The following ZNF609 variants were observed in gnomAD, a reference collection of about 807,000 sequenced individuals.
ZNF609 encodes zinc finger protein 609.
Under a neutral mutation model 109.5 loss-of-function variants are expected in ZNF609, and 11 were observed. The observed-to-expected ratio is 0.10, with a 90% CI of 0.06 to 0.17. ZNF609 has a LOEUF of 0.17. ZNF609 is among the 10% of genes least tolerant of loss of function. The pLI, the probability that ZNF609 is intolerant of heterozygous loss-of-function variation, is 1.00. For synonymous variants in ZNF609, 646 were observed against 662.0 expected, an observed-to-expected ratio of 0.98 and a Z score of 0.37; for missense variants, 1,559 against 1,772.4, an observed-to-expected ratio of 0.88 and a Z score of 2.16.
At position 64,622,719 on chromosome 15, in the gene ZNF609, G is replaced by A. The variant is rs372081133; in HGVS notation, c.748-108G>A. 3.6e-5 allele frequency: 34 copies of A among 936,048 alleles called. 1 individual carries two copies. The highest frequency in any genetic ancestry group is 2.2e-4 in the South Asian group (15 of 66,712). 58.0% of individuals were successfully genotyped at this position (936,048 alleles called of 1,614,324 possible). On this transcript the variant is annotated intron_variant, in intron 2 of 9. Coordinates refer to ENST00000326648, the MANE Select transcript of ZNF609 (RefSeq NM_015042.2). ...AAGAACCAAAGTCTTATTTATAGCC[G>A]TCTGCACTCTGGCAGGAATAGATAT...
intron 1 of ZNF609, among the ~76,000 whole-genome samples, chr15:64,469,078 A>G (rs1168362436): frequency 7.0e-6 from 1 of 142,494 alleles, no homozygotes; most frequent in Non-Finnish European, 1.5e-5. Flanking sequence ...AGCCTGGCCA[A>G]CATGGTGAAA....
intron 1 of ZNF609, among the ~76,000 whole-genome samples, chr15:64,475,613 G>A (rs113098552): frequency 2.6e-5 from 4 of 151,786 alleles, no homozygotes; most frequent in Admixed American, 6.6e-5. Flanking sequence ...GGCTGGTCTC[G>A]AACTCCTGAC....
At chr15:64,595,561 T>A (rs968686545) in intron 2 of ZNF609, among the ~76,000 whole-genome samples, 1 of 152,220 alleles carries the variant, frequency 6.6e-6, no homozygotes, top group Admixed American at 6.6e-5. Flanking sequence ...TAAATTCTCT[T>A]TTTAAGTCAG....
rs1269437354 is a variant in ZNF609 at position 64,681,326 on chromosome 15, A to C, written c.4180A>C (p.Ile1394Leu). Residue 1394 changes from isoleucine to leucine, a missense_variant, in exon 9 of 10, where the codon ATT becomes CTT. Physicochemically the swap from Ile to Leu is conservative, Grantham distance 5. Around this residue, in one of 4 missense-constraint regions of ZNF609, gnomAD observed 1,204 missense variants for 1,314.1 expected, o/e 0.92. Transcript: ENST00000326648. ...TTATTCAGGGCTTTCTTCTACAGCC[A>C]TTGTTGCCAGCCAACAAGGCTCAAC... ...PYAAGLSSTA[I>L]VASQQGSTPS... The C allele has an allele frequency of 6.2e-7, 1 of 1,614,090 alleles. No homozygotes were observed. Among genetic ancestry groups the C allele is most frequent in the Non-Finnish European group, 8.5e-7 (1 of 1,179,958 alleles).
At chr15:64,479,571 A>C (rs1464817887) in intron 1 of ZNF609, among the ~76,000 whole-genome samples, 2 of 151,736 alleles carry the variant, frequency 1.3e-5, no homozygotes, top group African/African-American at 2.4e-5. Context: ...GATTACAGGC[A>C]TGAGCCACCG....
chr15:64,570,864 A>G (rs1894849773), intron 2 of ZNF609, among the ~76,000 whole-genome samples: 1 of 152,020 alleles, frequency 6.6e-6, no homozygotes, highest in African/African-American at 2.4e-5. Context: ...CGTCTCTACT[A>G]AAAATACAAA....
chr15:64,537,767 T>G (rs1409510262), intron 2 of ZNF609, among the ~76,000 whole-genome samples: 2 of 152,168 alleles, frequency 1.3e-5, no homozygotes, highest in Admixed American at 1.3e-4. Flanking sequence ...TATGATTGTT[T>G]TGCCCCCTTA....
intron 2 of ZNF609, among the ~76,000 whole-genome samples, chr15:64,609,305 C>T (rs1895677262): frequency 6.6e-6 from 1 of 151,676 alleles, no homozygotes; most frequent in Admixed American, 6.6e-5. Context: ...CATGCCTCAG[C>T]CTCTCGAATA....
At chr15:64,609,066 TTC>T (rs1353782917) in intron 2 of ZNF609, among the ~76,000 whole-genome samples, 65 of 23,018 alleles carry the variant, frequency 2.8e-3, no homozygotes, top group Admixed American at 0.023. Flanking sequence ...GTTTTAATTT[TTC>T]TTTCTTTCTT....
intron 3 of ZNF609, among the ~76,000 whole-genome samples, chr15:64,666,878 A>G (rs2141008781): frequency 6.6e-6 from 1 of 151,838 alleles, no homozygotes; most frequent in African/African-American, 2.4e-5. Context: ...CTGTAATCCC[A>G]GCACTTTGGG....
chr15:64,516,385 G>C (rs1201273851), intron 2 of ZNF609, among the ~76,000 whole-genome samples: 2 of 151,826 alleles, frequency 1.3e-5, no homozygotes, highest in African/African-American at 2.4e-5. Flanking sequence ...TTTTTGCTTT[G>C]TTTTGAGACA....
intron 2 of ZNF609, among the ~76,000 whole-genome samples, chr15:64,515,352 CA>C (rs1434395024): frequency 6.6e-6 from 1 of 152,052 alleles, no homozygotes; most frequent in Non-Finnish European, 1.5e-5. Flanking sequence ...GAGGACTGGC[CA>C]AACAAGTTTT....
chr15:64,543,745 C>G (rs1191555461), intron 2 of ZNF609, among the ~76,000 whole-genome samples: 1 of 152,148 alleles, frequency 6.6e-6, no homozygotes, highest in Admixed American at 6.5e-5. Flanking sequence ...CGCTCAGCCT[C>G]TCTGCCTTTT....
chr15:64,601,215 G>A (rs141549169), intron 2 of ZNF609, among the ~76,000 whole-genome samples: 1 of 152,270 alleles, frequency 6.6e-6, no homozygotes, highest in East Asian at 1.9e-4. Flanking sequence ...AGTGGGAGGA[G>A]AGCAGTGATG....
intron 2 of ZNF609, among the ~76,000 whole-genome samples, chr15:64,538,106 C>CAA (rs397941206): frequency 7.7e-6 from 1 of 129,538 alleles, no homozygotes; most frequent in South Asian, 2.4e-4. Flanking sequence ...AACTCCATCT[C>CAA]AAAAAAAAAA....
intron 2 of ZNF609, chr15:64,592,966 C>G (rs983999507): frequency 9.6e-7 from 1 of 1,046,874 alleles, no homozygotes; most frequent in African/African-American, 1.6e-5. Context: ...TCTCTCCGGT[C>G]CGTGCCTCCA....
intron 2 of ZNF609, among the ~76,000 whole-genome samples, chr15:64,537,468 C>T (rs1194563490): frequency 6.7e-6 from 1 of 149,128 alleles, no homozygotes; most frequent in Non-Finnish European, 1.5e-5. Flanking sequence ...TGCCATTGCA[C>T]TCCAGCCTGG....
chr15:64,519,723 C>A lies in ZNF609; in HGVS notation c.747+19557C>A, dbSNP rs543326220. Among the ~76,000 whole-genome samples the A allele has an allele frequency of 2.6e-5, 4 of 152,048 alleles. No homozygotes were observed. In the East Asian group the frequency reaches 7.7e-4, roughly 29 times the overall value. ...TCAACTTTTTTAGTTTTCCTTTTTT[C>A]TTTTTTGACCTAATTTTCAGTTATT... On this transcript the variant is annotated intron_variant, in intron 2 of 9. Transcript: ENST00000326648.
intron 2 of ZNF609, among the ~76,000 whole-genome samples, chr15:64,508,556 A>G (rs777823784): frequency 1.3e-4 from 20 of 152,064 alleles, no homozygotes; most frequent in Non-Finnish European, 4.4e-5. Context: ...AGAGGGGACT[A>G]CTTTCTTTTC....
Sources: allele counts gnomAD v4.1 joint callset (sites outside exome capture counted in the v4.1 genomes callset), GRCh38; gene constraint gnomAD v4.1.1; regional missense constraint gnomAD v4.1.1; transcripts MANE v1.5; gene names NCBI Gene and HGNC (gene_info 2026-07-23, HGNC 2026-07-21).